The following DLG2 variants were observed in gnomAD, a reference collection of about 807,000 sequenced individuals.
The protein encoded by DLG2 is discs large MAGUK scaffold protein 2, also known as disks large homolog 2.
A neutral mutation model predicts 132.5 loss-of-function variants in DLG2; 45 were observed. The ratio of observed to expected loss-of-function variants is 0.34; its 90% CI spans 0.27 to 0.44. The LOEUF is 0.44. DLG2 is among the 20% of genes least tolerant of loss of function. DLG2 has a pLI of 1.00. For missense variants in DLG2, 1,045 were observed against 1,196.9 expected (o/e 0.87, Z 1.87); for synonymous variants, 424 against 419.6 (o/e 1.01, Z -0.13).
At chr11:84,949,462 A>T (rs186688381) in intron 6 of DLG2, among the ~76,000 whole-genome samples, 82 of 148,786 alleles carry the variant, frequency 5.5e-4, no homozygotes, top group African/African-American at 2.0e-3. Context: ...TGGGAGCGCT[A>T]TGGGAGACTG....
chr11:83,807,678 G>T, intron 17 of DLG2, among the ~76,000 whole-genome samples: 1 of 152,140 alleles, frequency 6.6e-6, no homozygotes, highest in East Asian at 1.9e-4. Context: ...TTGTGACCAA[G>T]AATTTAACTG....
intron 2 of DLG2, among the ~76,000 whole-genome samples, chr11:85,624,448 T>A (rs148846989): frequency 1.1e-3 from 162 of 152,334 alleles, no homozygotes; most frequent in Middle Eastern, 6.8e-3. Context: ...AGTTATTGTT[T>A]AGAATCACAT....
chr11:84,828,632 T>A (rs2078640476), intron 6 of DLG2, among the ~76,000 whole-genome samples: 2 of 151,766 alleles, frequency 1.3e-5, no homozygotes. Context: ...GCCAAAAGAA[T>A]TCTCCTTTGG....
chr11:85,105,251 T>C (rs2071554284), intron 6 of DLG2, among the ~76,000 whole-genome samples: 1 of 151,912 alleles, frequency 6.6e-6, no homozygotes, highest in East Asian at 1.9e-4. Flanking sequence ...CCTCCATAAA[T>C]ACTGTGGGTT....
At chr11:84,137,501 G>A (rs78854253) in intron 9 of DLG2, among the ~76,000 whole-genome samples, 1,871 of 152,026 alleles carry the variant, frequency 0.012, 35 homozygotes, top group African/African-American at 0.043. Context: ...TCTTGTGTTC[G>A]TTATTACAGG....
chr11:85,403,334 C>G (rs796459804), intron 3 of DLG2, among the ~76,000 whole-genome samples: 8 of 151,944 alleles, frequency 5.3e-5, no homozygotes, highest in African/African-American at 1.7e-4. Flanking sequence ...AACATTGGGG[C>G]CTGTCAGTTG....
chr11:83,825,128 T>TACAC (rs1291937371), intron 17 of DLG2, among the ~76,000 whole-genome samples: 23 of 90,966 alleles, frequency 2.5e-4, no homozygotes, highest in African/African-American at 7.9e-4. Flanking sequence ...TACACATATA[T>TACAC]ATATACACAC....
At chr11:83,568,406 A>C (rs777873052) in intron 19 of DLG2, among the ~76,000 whole-genome samples, 7 of 152,140 alleles carry the variant, frequency 4.6e-5, no homozygotes, top group Non-Finnish European at 8.8e-5. Context: ...GGGCATACAA[A>C]TTAAGAAGTC....
intron 4 of DLG2, among the ~76,000 whole-genome samples, chr11:85,186,571 C>A (rs950936869): frequency 6.6e-6 from 1 of 152,008 alleles, no homozygotes; most frequent in African/African-American, 2.4e-5. Flanking sequence ...CCCAATTTAC[C>A]TTTATGGAAC....
intron 19 of DLG2, among the ~76,000 whole-genome samples, chr11:83,612,045 A>T (rs2060192241): frequency 6.6e-6 from 1 of 152,120 alleles, no homozygotes; most frequent in Non-Finnish European, 1.5e-5. Flanking sequence ...TTAGGCCTAG[A>T]CTAGAGGAAA....
At chr11:85,531,370 C>G (rs771211254) in intron 3 of DLG2, among the ~76,000 whole-genome samples, 1 of 152,106 alleles carries the variant, frequency 6.6e-6, no homozygotes. Flanking sequence ...TAACTGCTAC[C>G]CCGAATTTCT....
At chr11:85,537,494 A>G (rs1042458105) in intron 3 of DLG2, among the ~76,000 whole-genome samples, 1 of 150,598 alleles carries the variant, frequency 6.6e-6, no homozygotes, top group Non-Finnish European at 1.5e-5. Flanking sequence ...GGGATGAACA[A>G]CTCCAGACAG....
intron 6 of DLG2, among the ~76,000 whole-genome samples, chr11:85,048,832 A>G (rs990426530): frequency 6.6e-6 from 1 of 152,090 alleles, no homozygotes; most frequent in Non-Finnish European, 1.5e-5. Flanking sequence ...AATTAAAACT[A>G]TGCATAAATG....
At chr11:83,493,582 C>A (rs969531176) in intron 21 of DLG2, among the ~76,000 whole-genome samples, 1 of 152,022 alleles carries the variant, frequency 6.6e-6, no homozygotes, top group African/African-American at 2.4e-5. Context: ...ATACATGCTC[C>A]AACTCCTTTT....
At chr11:84,221,648 T>G (rs2096918038) in intron 8 of DLG2, among the ~76,000 whole-genome samples, 1 of 152,174 alleles carries the variant, frequency 6.6e-6, no homozygotes, top group South Asian at 2.1e-4. Context: ...TCATGTCAGA[T>G]CCTATTATCA....
At chr11:85,190,734 T>A (rs534337847) in intron 4 of DLG2, among the ~76,000 whole-genome samples, 2 of 152,272 alleles carry the variant, frequency 1.3e-5, no homozygotes, top group East Asian at 3.9e-4. Context: ...CCTATGCACA[T>A]AAATTAGAAA....
At chr11:83,765,956 G>A (rs1341673537) in intron 18 of DLG2, among the ~76,000 whole-genome samples, 2 of 152,280 alleles carry the variant, frequency 1.3e-5, no homozygotes, top group African/African-American at 4.8e-5. Flanking sequence ...ACACTTGACA[G>A]CATACAATGT....
chr11:84,534,586 T>C lies in DLG2; in HGVS notation c.503A>G (p.His168Arg), dbSNP rs764697525. 9.9e-6 allele frequency: 16 copies of C among 1,613,970 alleles called. No homozygotes were observed. Among genetic ancestry groups the C allele is most frequent in the Non-Finnish European group, 1.3e-5 (15 of 1,179,904 alleles). Residue 168 changes from histidine (H) to arginine (R), a missense_variant, in exon 7 of 28, where the codon CAT becomes CGT. Coordinates refer to ENST00000376104, the MANE Select transcript of DLG2 (RefSeq NM_001142699.3). ...ENVHGYVLQS[H>R]ISPLKASPAP... ...ATAACTGACCTTCAGAGGAGAAATATGAGACTGCAAGACATATCCATGGAC... is the reference window on the plus strand; with the variant it reads ...ATAACTGACCTTCAGAGGAGAAATACGAGACTGCAAGACATATCCATGGAC...
intron 22 of DLG2, 28 bp downstream of exon 22, chr11:83,484,101 G>A: frequency 6.3e-7 from 1 of 1,582,140 alleles, no homozygotes; most frequent in African/African-American, 1.3e-5. Flanking sequence ...TATGTTGCAT[G>A]TGACATTATC....
Sources: gnomAD v4.1 joint callset for allele counts (sites outside exome capture counted in the v4.1 genomes callset) on GRCh38, gnomAD v4.1.1 for gene constraint, MANE v1.5 for transcripts, NCBI Gene and HGNC (gene_info 2026-07-23, HGNC 2026-07-21) for gene names.